The following SSBP2 variants were observed in gnomAD, a reference collection of about 807,000 sequenced individuals.
The protein encoded by SSBP2 is single stranded DNA binding protein 2, also known as single-stranded DNA-binding protein 2.
A neutral mutation model predicts 61.8 loss-of-function variants in SSBP2; 17 were observed. The ratio of observed to expected loss-of-function variants is 0.28; its 90% CI spans 0.19 to 0.41. The LOEUF (loss-of-function observed/expected upper bound fraction) is 0.41, where lower values mean the gene tolerates loss of function less well. Among genes scored for constraint, SSBP2 ranks in the 10% least tolerant of loss-of-function variants. The pLI is 1.00. For missense variants in SSBP2, 310 were observed against 458.7 expected, an observed-to-expected ratio of 0.68 and a Z score of 2.96; for synonymous variants, 139 against 141.3, an observed-to-expected ratio of 0.98 and a Z score of 0.12.
At chr5:81,641,660 A>G (rs755902853) in intron 2 of SSBP2, among the ~76,000 whole-genome samples, 4 of 152,242 alleles carry the variant, frequency 2.6e-5, no homozygotes, top group Non-Finnish European at 5.9e-5. Flanking sequence ...AAGAAGAGCC[A>G]AAATAGAATC....
At chr5:81,703,889 T>G (rs548802209) in intron 1 of SSBP2, among the ~76,000 whole-genome samples, 2 of 152,242 alleles carry the variant, frequency 1.3e-5, no homozygotes, top group Non-Finnish European at 2.9e-5. Context: ...TTACTGTATT[T>G]TGTTTTATAG....
chr5:81,437,345 T>C (rs2153947446), intron 15 of SSBP2, 85 bp downstream of exon 15: 2 of 1,327,134 alleles, frequency 1.5e-6, no homozygotes, highest in Non-Finnish European at 2.1e-6. Flanking sequence ...AAGAACAAAA[T>C]TCGTAAATTT....
chr5:81,442,351 T>C (rs1410099776), intron 13 of SSBP2, among the ~76,000 whole-genome samples: 1 of 152,106 alleles, frequency 6.6e-6, no homozygotes, highest in Non-Finnish European at 1.5e-5. Context: ...TATAAATGAT[T>C]ATACATAACC....
intron 8 of SSBP2, 130 bp downstream of exon 8, chr5:81,473,570 C>T: frequency 2.6e-6 from 2 of 775,874 alleles, no homozygotes; most frequent in Admixed American, 4.4e-5. Flanking sequence ...GACATAATCG[C>T]ATTCCTTTTT....
chr5:81,495,828 C>T (rs1034610412), intron 5 of SSBP2, among the ~76,000 whole-genome samples: 1 of 151,824 alleles, frequency 6.6e-6, no homozygotes, highest in African/African-American at 2.4e-5. Flanking sequence ...TTTAAAAGTT[C>T]TTTAAATCTT....
At chr5:81,568,933 A>G (rs1277128591) in intron 4 of SSBP2, among the ~76,000 whole-genome samples, 1 of 152,160 alleles carries the variant, frequency 6.6e-6, no homozygotes, top group Non-Finnish European at 1.5e-5. Flanking sequence ...CAATGGAAGG[A>G]AGGGAGAGAG....
intron 5 of SSBP2, among the ~76,000 whole-genome samples, chr5:81,506,829 A>C (rs906640541): frequency 6.6e-6 from 1 of 152,124 alleles, no homozygotes; most frequent in Non-Finnish European, 1.5e-5. Context: ...GGACTTATAA[A>C]ACCATATATT....
chr5:81,709,865 G>C (rs750960166), intron 1 of SSBP2, among the ~76,000 whole-genome samples: 2 of 151,870 alleles, frequency 1.3e-5, no homozygotes, highest in Non-Finnish European at 2.9e-5. Flanking sequence ...ATGCTATTTA[G>C]AAGTCAGTTT....
intron 10 of SSBP2, among the ~76,000 whole-genome samples, chr5:81,455,625 CAAAAAAAAA>C (rs537363119): frequency 6.4e-4 from 8 of 12,562 alleles, no homozygotes; most frequent in Non-Finnish European, 7.4e-4. Flanking sequence ...GACTCCGTCT[CAAAAAAAAA>C]AAAAAAAAAA....
At chr5:81,433,793 A>C (rs1037502330) in intron 15 of SSBP2, among the ~76,000 whole-genome samples, 2 of 152,220 alleles carry the variant, frequency 1.3e-5, no homozygotes, top group Non-Finnish European at 2.9e-5. Flanking sequence ...GAGGCACATG[A>C]GTTTTACTAG....
At chr5:81,747,620 T>A (rs1448863336) in intron 1 of SSBP2, among the ~76,000 whole-genome samples, 11 of 152,006 alleles carry the variant, frequency 7.2e-5, no homozygotes, top group African/African-American at 2.7e-4. Flanking sequence ...TGAAAAAAAA[T>A]TTTTTTACAT....
At chr5:81,743,530 G>A (rs1311098151) in intron 1 of SSBP2, among the ~76,000 whole-genome samples, 1 of 152,150 alleles carries the variant, frequency 6.6e-6, no homozygotes, top group Non-Finnish European at 1.5e-5. Flanking sequence ...AAAGTCTCAT[G>A]AAAGCAGGGA....
intron 1 of SSBP2, among the ~76,000 whole-genome samples, chr5:81,670,253 A>C (rs748880131): frequency 6.6e-6 from 1 of 152,208 alleles, no homozygotes; most frequent in Admixed American, 6.5e-5. Flanking sequence ...TGGAGGTAAC[A>C]CATGTGTGGG....
intron 1 of SSBP2, among the ~76,000 whole-genome samples, chr5:81,718,003 T>C (rs1046793499): frequency 6.6e-6 from 1 of 152,144 alleles, no homozygotes; most frequent in African/African-American, 2.4e-5. Context: ...CTTCTAACTT[T>C]GTAAGCCCCT....
At chr5:81,474,389 G>A (rs1765450823) in intron 7 of SSBP2, 107 bp downstream of exon 7, 1 of 932,772 alleles carries the variant, frequency 1.1e-6, no homozygotes. Context: ...AATGCAACTG[G>A]TATAACTATA....
chr5:81,559,384 C>CAA (rs36034616), intron 4 of SSBP2, among the ~76,000 whole-genome samples: 2,138 of 95,876 alleles, frequency 0.022, 47 homozygotes, highest in African/African-American at 0.056. Context: ...GAGATTTCAT[C>CAA]AAAAAAAAAA....
chr5:81,501,262 T>C (rs1296786232), intron 5 of SSBP2, among the ~76,000 whole-genome samples: 1,780 of 46,518 alleles, frequency 0.038, 341 homozygotes, highest in African/African-American at 0.23. Flanking sequence ...TATATATATA[T>C]ATATATACAC....
chr5:81,527,282 G>T (rs937964561), intron 4 of SSBP2, among the ~76,000 whole-genome samples: 50 of 152,064 alleles, frequency 3.3e-4, no homozygotes, highest in Admixed American at 7.2e-4. Flanking sequence ...AAGAGAAGAT[G>T]CCTTCTGGAA....
chr5:81,432,551 C>T (rs1762359110), intron 15 of SSBP2, among the ~76,000 whole-genome samples: 3 of 152,082 alleles, frequency 2.0e-5, no homozygotes, highest in Admixed American at 6.5e-5. Context: ...TTGAGACTAG[C>T]CTGGCCAGCC....
Sources: gnomAD v4.1 joint callset for allele counts (sites outside exome capture counted in the v4.1 genomes callset) on GRCh38, gnomAD v4.1.1 for gene constraint, MANE v1.5 for transcripts, NCBI Gene and HGNC (gene_info 2026-07-23, HGNC 2026-07-21) for gene names.